Variants in ZNF211 observed in about 807,000 individuals in gnomAD.
ZNF211 encodes the protein zinc finger protein 211.
ZNF211 carries 18 observed loss-of-function variants against 12.1 expected under a neutral mutation model. The ratio of observed to expected loss-of-function variants is 1.48; its 90% CI spans 1.03 to 2.20. ZNF211 has a LOEUF of 2.20. Ranked by LOEUF, ZNF211 falls within the 30% of genes most tolerant of loss-of-function variation. ZNF211 has a pLI of 0.00. For missense variants in ZNF211, 677 were observed against 703.1 expected (o/e 0.96, Z 0.42); for synonymous variants, 249 against 246.0 (o/e 1.01, Z -0.11).
At position 57,640,918 on chromosome 19, in the gene ZNF211, C is replaced by T. The variant is rs1373268445; in HGVS notation, c.471C>T (p.Phe157=). 1 of 1,614,228 alleles carries T rather than the reference C, an allele frequency of 6.2e-7. No individual in the cohort carries two copies. The highest frequency in any genetic ancestry group is 2.2e-5 in the East Asian group (1 of 44,894). The change falls in exon 4 of 4, where the codon TTC becomes TTT. Residue 157 remains phenylalanine (F), a synonymous_variant. Coordinates refer to ENST00000240731, the MANE Select transcript of ZNF211 (RefSeq NM_006385.5). Reference sequence around the variant, plus strand: ...AACTACACACATGTGGAAAACAATTCTACATCAGTGCAAATCTTCAACAGC... The same window carrying T: ...AACTACACACATGTGGAAAACAATTTTACATCAGTGCAAATCTTCAACAGC... The part of the protein sequence containing the change: ...GQKLHTCGKQ[F]YISANLQQHQ...
chr19:57,638,246 T>C (rs549104376), intron 3 of ZNF211, among the ~76,000 whole-genome samples: 1 of 128,252 alleles, frequency 7.8e-6, no homozygotes, highest in Admixed American at 7.5e-5. Flanking sequence ...CTTTTGGTTT[T>C]GTTGATTTTT....
At position 57,641,157 on chromosome 19, in the gene ZNF211, G is replaced by A. The variant is rs965487921; in HGVS notation, c.710G>A (p.Ser237Asn). The change falls in exon 4 of 4, where the codon AGT becomes AAT. Residue 237 changes from serine to asparagine, a missense_variant. Transcript: ENST00000240731. The part of the protein sequence containing the change: ...NSNKCAVAFY[S>N]GKSHHNWGKC... Reference sequence around the variant, plus strand: ...AACAAGTGTGCGGTGGCCTTTTACAGTGGAAAAAGTCATCACAACTGGGGA... The same window carrying A: ...AACAAGTGTGCGGTGGCCTTTTACAATGGAAAAAGTCATCACAACTGGGGA... The A allele has an allele frequency of 4.3e-6, 7 of 1,614,198 alleles. No individual in the cohort carries two copies. The East Asian group carries it at 1.6e-4, about 36-fold the overall frequency.
At position 57,642,310 on chromosome 19, in the gene ZNF211, T is replaced by G. The variant is rs1197549288; in HGVS notation, c.*129T>G. On this transcript the variant is annotated 3_prime_UTR_variant, in exon 4 of 4. Transcript: ENST00000240731. ...TACAGTGGGCGGATTCCCCTTAAGT[T>G]CCAGGTATGTGTTACACTTTCTAAC... 5.8e-6 allele frequency: 6 copies of G among 1,041,274 alleles called. No homozygotes were observed. The highest frequency in any genetic ancestry group is 8.3e-6 in the Non-Finnish European group (6 of 725,896). 64.5% of individuals were successfully genotyped at this position (1,041,274 alleles called of 1,614,324 possible).
rs750758832 is a variant in ZNF211, at chr19:57,641,844, A to G, written c.1397A>G (p.Tyr466Cys). ...AAAGTCCACACAGGGGAAAGGCCTT[A>G]TGTGTGTGGGGAATGTGGGAAATCC... The part of the protein sequence containing the change: ...HRKVHTGERP[Y>C]VCGECGKSFS... The change falls in exon 4 of 4, where the codon TAT (tyrosine) becomes TGT (cysteine). Residue 466 changes from tyrosine to cysteine, a missense_variant. By Grantham distance (194) the Tyr-to-Cys change is radical. Transcript: ENST00000240731. 8 of 1,614,128 alleles carry G rather than the reference A, an allele frequency of 5.0e-6. No individual in the cohort carries two copies. In the South Asian group the frequency reaches 7.7e-5, roughly 16 times the overall value.
At chr19:57,640,182 T>C (rs1345487386) in intron 3 of ZNF211, 24 of 1,211,008 alleles carry the variant, frequency 2.0e-5, no homozygotes, top group Non-Finnish European at 2.5e-5. Flanking sequence ...ACAAACTTGT[T>C]ATTTCTACTA....
chr19:57,633,237 A>C lies in ZNF211; in HGVS notation c.-110A>C. 8.8e-7 allele frequency: 1 copy of C among 1,134,898 alleles called. No individual in the cohort carries two copies. Among genetic ancestry groups the C allele is most frequent in the South Asian group, 1.7e-5 (1 of 58,514 alleles). 70.3% of individuals were successfully genotyped at this position (1,134,898 alleles called of 1,614,324 possible). On this transcript the variant is annotated 5_prime_UTR_variant, in exon 1 of 4. Coordinates refer to ENST00000240731, the MANE Select transcript of ZNF211 (RefSeq NM_006385.5). ...CTCCCGGAGGTCCGTTCTGTCTGTC[A>C]GCCGCTTTGGTACGCTGCATCGGGA...
intron 3 of ZNF211, among the ~76,000 whole-genome samples, chr19:57,638,386 G>A (rs571473797): frequency 8.7e-4 from 132 of 151,694 alleles, no homozygotes; most frequent in Admixed American, 9.8e-4. Context: ...ATAGATTGTT[G>A]AGTTGAGATC....
At chr19:57,640,385 C>T (rs1568642411) in intron 3 of ZNF211, among the ~76,000 whole-genome samples, 1 of 152,318 alleles carries the variant, frequency 6.6e-6, no homozygotes, top group East Asian at 1.9e-4. Context: ...CCTGGGCATA[C>T]ACTTCACAGC....
intron 3 of ZNF211, 106 bp from the exon 4 acceptor site, chr19:57,640,598 C>T (rs545073066): frequency 1.4e-6 from 2 of 1,405,384 alleles, no homozygotes; most frequent in African/African-American, 1.4e-5. Context: ...TTCCTAAAAA[C>T]AGGCCCATAT....
rs767576508 is a variant in ZNF211, at chr19:57,641,319, T to C, written c.872T>C (p.Val291Ala). The stretch of plus-strand genomic sequence containing the variant: ...TGTAACCTCATTCAGCACCAGAAAG[T>C]CCACAGTGAAGAAAGGCCTTATGAA... ...RRCNLIQHQK[V>A]HSEERPYECN... The change falls in exon 4 of 4, where the codon GTC (valine) becomes GCC (alanine). Residue 291 changes from valine to alanine, a missense_variant. Transcript: ENST00000240731. The C allele has an allele frequency of 1.2e-6, 2 of 1,614,184 alleles. No homozygotes were observed. Among genetic ancestry groups the C allele is most frequent in the Non-Finnish European group, 1.7e-6 (2 of 1,180,032 alleles).
chr19:57,642,078 A>C lies in ZNF211; in HGVS notation c.1631A>C (p.His544Pro), dbSNP rs771605241. The C allele has an allele frequency of 1.2e-6, 2 of 1,614,162 alleles. No homozygotes were observed. Among genetic ancestry groups the C allele is most frequent in the Non-Finnish European group, 1.7e-6 (2 of 1,179,972 alleles). Reference sequence around the variant, plus strand: ...AGCCTCATTCAACACCGCAGAGTTCACACGGGAAAAAGGCCTTATCAGTGC... The same window carrying C: ...AGCCTCATTCAACACCGCAGAGTTCCCACGGGAAAAAGGCCTTATCAGTGC... ...SSSLIQHRRV[H>P]TGKRPYQCSQ... The change falls in exon 4 of 4, where the codon CAC (histidine) becomes CCC (proline). Residue 544 changes from histidine (H) to proline (P), a missense_variant. Coordinates refer to ENST00000240731, the MANE Select transcript of ZNF211 (RefSeq NM_006385.5).
In ZNF211 at chr19:57,641,814, A is replaced by G. The variant is rs563053531; in HGVS notation, c.1367A>G (p.His456Arg). The stretch of plus-strand genomic sequence containing the variant: ...AAGCAAAGCTCCAGCTTCAGTTCAC[A>G]TCGGAAAGTCCACACAGGGGAAAGG... ...SFKQSSSFSS[H>R]RKVHTGERPY... The change falls in exon 4 of 4, where the codon CAT becomes CGT. Residue 456 changes from histidine to arginine, a missense_variant. His to Arg is a conservative substitution (Grantham distance 29). Coordinates refer to ENST00000240731, the MANE Select transcript of ZNF211 (RefSeq NM_006385.5). 11 of 1,614,092 alleles carry G rather than the reference A, an allele frequency of 6.8e-6. No homozygotes were observed. The highest frequency in any genetic ancestry group is 3.3e-4 in the Middle Eastern group (2 of 6,062).
At position 57,641,094 on chromosome 19, in the gene ZNF211, A is replaced by AAGACGCCACTCAAACAGGGGAGAAGCC. The variant is rs773173384; in HGVS notation, c.649_675dup (p.Asp217_Pro225dup). On this transcript the variant is annotated inframe_insertion, in exon 4 of 4. Transcript: ENST00000240731. ...CTGGCCAACATGAGGTTTCTCCATC[A>AAGACGCCACTCAAACAGGGGAGAAGCC]AGACGCCACTCAAACAGGGGAGAAG... The AAGACGCCACTCAAACAGGGGAGAAGCC allele has an allele frequency of 5.0e-6, 8 of 1,614,096 alleles. No homozygotes were observed. The highest frequency in any genetic ancestry group is 6.8e-6 in the Non-Finnish European group (8 of 1,180,042).
At chr19:57,639,534 C>T (rs1275320611) in intron 3 of ZNF211, among the ~76,000 whole-genome samples, 2 of 148,970 alleles carry the variant, frequency 1.3e-5, no homozygotes, top group Non-Finnish European at 3.0e-5. Context: ...ATTATCCTGC[C>T]TCAGCCTCCT....
At chr19:57,635,859 C>CA (rs1982056446) in intron 3 of ZNF211, among the ~76,000 whole-genome samples, 1 of 152,140 alleles carries the variant, frequency 6.6e-6, no homozygotes, top group Non-Finnish European at 1.5e-5. Flanking sequence ...AAGCAGCTGA[C>CA]AAAGGTTCCA....
intron 3 of ZNF211, among the ~76,000 whole-genome samples, chr19:57,635,262 C>A (rs1472126552): frequency 6.6e-6 from 1 of 152,198 alleles, no homozygotes; most frequent in Non-Finnish European, 1.5e-5. Flanking sequence ...ATATATATAA[C>A]AAAATTTACC....
Position 57,633,374 on chromosome 19 carries a change from C to G in ZNF211, c.28C>G (p.Gln10Glu). The G allele has an allele frequency of 6.2e-7, 1 of 1,601,354 alleles. No homozygotes were observed. The highest frequency in any genetic ancestry group is 1.1e-5 in the South Asian group (1 of 89,624). The change falls in exon 1 of 4, where the codon CAG becomes GAG. Residue 10 changes from glutamine (Q) to glutamate (E), a missense_variant. Physicochemically the swap from Gln to Glu is conservative, Grantham distance 29. Transcript: ENST00000240731. ...GCTCGGGTTCCCCCCGGGTCGCCCG[C>G]AGCTCCCGGTCCAGCTCCGCCCACA... MLGFPPGRP[Q>E]LPVQLRPQTR...
chr19:57,633,331 C>A lies in ZNF211; in HGVS notation c.-16C>A, dbSNP rs761708411. 3 of 1,561,420 alleles carry A rather than the reference C, an allele frequency of 1.9e-6. No individual in the cohort carries two copies. Among genetic ancestry groups the A allele is most frequent in the Non-Finnish European group, 2.6e-6 (3 of 1,157,550 alleles). On this transcript the variant is annotated 5_prime_UTR_variant, in exon 1 of 4. Coordinates refer to ENST00000240731, the MANE Select transcript of ZNF211 (RefSeq NM_006385.5). ...TCGGGGGCAGAGCCGCCCGCGAGGC[C>A]GGCCTGGGGATAGCGATGCTCGGGT...
In ZNF211 at chr19:57,640,902, CAT is replaced by C. The variant is rs772134997; in HGVS notation, c.456_457del (p.Cys153TrpfsTer74). On this transcript the variant is annotated frameshift_variant, in exon 4 of 4. Transcript: ENST00000240731. LOFTEE classifies it low-confidence loss of function (END_TRUNC). ...ACAAACTGCGGGCAGAAACTACACA[CAT>C]GTGGAAAACAATTCTACATCAGTGC... 5 of 1,614,238 alleles carry C rather than the reference CAT, an allele frequency of 3.1e-6. No homozygotes were observed. Among genetic ancestry groups the C allele is most frequent in the South Asian group, 1.1e-5 (1 of 91,090 alleles).
Sources: allele counts gnomAD v4.1 joint callset (sites outside exome capture counted in the v4.1 genomes callset), GRCh38; gene constraint gnomAD v4.1.1; transcripts MANE v1.5; gene names NCBI Gene and HGNC (gene_info 2026-07-23, HGNC 2026-07-21).